Variants in LAMA3 observed in about 807,000 individuals in gnomAD.
LAMA3 encodes the protein laminin subunit alpha 3.
Under a neutral mutation model 402.0 loss-of-function variants are expected in LAMA3, and 281 were observed. The ratio of observed to expected loss-of-function variants is 0.70; its 90% confidence interval spans 0.63 to 0.77. The LOEUF (loss-of-function observed/expected upper bound fraction) is 0.77, where lower values mean the gene tolerates loss of function less well. Ranked by LOEUF, LAMA3 falls within the 30% of genes least tolerant of loss-of-function variation. The pLI, the probability that LAMA3 is intolerant of heterozygous loss-of-function variation, is 0.00. For missense variants in LAMA3, 3,840 were observed against 4,215.5 expected (o/e 0.91, Z 2.47); for synonymous variants, 1,431 against 1,558.4 (o/e 0.92, Z 1.93).
chr18:23,712,981 G>C (rs139884255), intron 1 of LAMA3, among the ~76,000 whole-genome samples: 137 of 152,114 alleles, frequency 9.0e-4, no homozygotes, highest in African/African-American at 3.2e-3. Flanking sequence ...TAGAAGAAAG[G>C]CCTATGTTCA....
intron 15 of LAMA3, among the ~76,000 whole-genome samples, chr18:23,814,935 ATGT>A (rs1476391767): frequency 2.0e-5 from 3 of 152,216 alleles, no homozygotes; most frequent in Non-Finnish European, 4.4e-5. Context: ...AAATCCCATG[ATGT>A]TGCAGCTTTT....
chr18:23,780,105 A>G (rs2062405567), intron 11 of LAMA3, among the ~76,000 whole-genome samples: 3 of 152,110 alleles, frequency 2.0e-5, no homozygotes. Flanking sequence ...AATGGTGACT[A>G]CTGAGGAGAA....
intron 59 of LAMA3, 119 bp downstream of exon 59, chr18:23,915,541 C>T: frequency 2.2e-6 from 2 of 928,594 alleles, no homozygotes; most frequent in Non-Finnish European, 3.5e-6. Flanking sequence ...TTGCTTTGGG[C>T]CAGTAGTTCT....
In LAMA3 at chr18:23,858,000, C is replaced by T. The variant is rs573956536; in HGVS notation, c.4281+12C>T. The T allele has an allele frequency of 1.5e-5, 25 of 1,614,024 alleles. No homozygotes were observed. Among genetic ancestry groups the T allele is most frequent in the African/African-American group, 8.0e-5 (6 of 74,998 alleles). On this transcript the variant is annotated intron_variant, in intron 33 of 74. Coordinates refer to ENST00000313654, the MANE Select transcript of LAMA3 (RefSeq NM_198129.4). ...CTTGCCTCTGCAAGGTAAGAGAGAT[C>T]GTGCAATGCCAGACAACAGCTGCCG...
rs185537803 is a variant in LAMA3, at chr18:23,842,107, C to G, written c.3337-288C>G. On this transcript the variant is annotated intron_variant, in intron 27 of 74. Transcript: ENST00000313654. ...CCAAACAGGTTTCCAACCTGACTTACCAAATTATACCCCCTCCAACATGTA... is the reference window on the plus strand; with the variant it reads ...CCAAACAGGTTTCCAACCTGACTTAGCAAATTATACCCCCTCCAACATGTA... 2.1e-3 allele frequency among the ~76,000 whole-genome samples: 319 copies of G among 152,256 alleles called. 3 individuals carry two copies. The highest frequency in any genetic ancestry group is 7.2e-3 in the African/African-American group (300 of 41,544).
chr18:23,702,898 T>C (rs572381808), intron 1 of LAMA3, among the ~76,000 whole-genome samples: 67 of 152,232 alleles, frequency 4.4e-4, no homozygotes, highest in Non-Finnish European at 8.2e-4. Context: ...TTTGTGTCTG[T>C]TTCCCTCTCT....
intron 2 of LAMA3, among the ~76,000 whole-genome samples, chr18:23,736,974 A>G (rs2061486460): frequency 6.6e-6 from 1 of 152,090 alleles, no homozygotes; most frequent in African/African-American, 2.4e-5. Flanking sequence ...AAGTAGCTGG[A>G]TTGTTTTTAG....
In LAMA3 at chr18:23,949,873, C is replaced by T. The variant is rs865854612; in HGVS notation, c.9460C>T (p.Pro3154Ser). The change falls in exon 71 of 75, where the codon CCT (proline) becomes TCT (serine). Residue 3154 changes from proline (P) to serine (S), a missense_variant. By Grantham distance (74) the Pro-to-Ser change is moderately conservative. Transcript: ENST00000313654. The stretch of plus-strand genomic sequence containing the variant: ...CGGGGTGTCTTCCTGCTTGGGTGGT[C>T]CTTTGGAGAAAGGCATTTATTTCTC... The part of the protein sequence containing the change: ...SFGVSSCLGG[P>S]LEKGIYFSEE... 6.2e-7 allele frequency: 1 copy of T among 1,613,728 alleles called. No homozygotes were observed.
rs755753247 is a variant in LAMA3, at chr18:23,946,293, T to G, written c.9351+9T>G. On this transcript the variant is annotated intron_variant, in intron 70 of 74. Coordinates refer to ENST00000313654, the MANE Select transcript of LAMA3 (RefSeq NM_198129.4). ...CATCAGGGAAACCAAAGGTAAATAG[T>G]TATGTTCAGAGCCATGGACAGAAAC... 1.9e-6 allele frequency: 3 copies of G among 1,613,744 alleles called. No homozygotes were observed. Among genetic ancestry groups the G allele is most frequent in the Non-Finnish European group, 2.5e-6 (3 of 1,179,650 alleles).
intron 59 of LAMA3, among the ~76,000 whole-genome samples, chr18:23,916,311 G>A (rs1217276645): frequency 6.6e-6 from 1 of 152,094 alleles, no homozygotes; most frequent in Non-Finnish European, 1.5e-5. Context: ...TTCCAAAAGG[G>A]TATCTTACTC....
At chr18:23,739,242 G>A (rs976211837) in intron 2 of LAMA3, among the ~76,000 whole-genome samples, 1 of 152,134 alleles carries the variant, frequency 6.6e-6, no homozygotes, top group African/African-American at 2.4e-5. Flanking sequence ...ACCACGGTAC[G>A]ACAACTACCA....
intron 17 of LAMA3, 24 bp downstream of exon 17, chr18:23,815,597 A>G: frequency 4.2e-6 from 6 of 1,437,778 alleles, no homozygotes; most frequent in Non-Finnish European, 5.9e-6. Flanking sequence ...TTGGGCCCTG[A>G]GCAAAGCACA....
intron 14 of LAMA3, among the ~76,000 whole-genome samples, chr18:23,814,067 A>AT (rs1568211739): frequency 2.0e-5 from 3 of 152,316 alleles, no homozygotes; most frequent in East Asian, 1.9e-4. Context: ...ATATTCAGAC[A>AT]TTTTTTCTAT....
At chr18:23,783,875 A>G in intron 11 of LAMA3, 148 bp from the exon 12 acceptor site, 1 of 1,082,552 alleles carries the variant, frequency 9.2e-7, no homozygotes, top group South Asian at 1.3e-5. Flanking sequence ...TTTCCCTTCA[A>G]CGCAGTGTAG....
At chr18:23,822,492 G>A (rs1268394618) in intron 20 of LAMA3, 117 bp downstream of exon 20, 3 of 1,137,018 alleles carry the variant, frequency 2.6e-6, no homozygotes, top group African/African-American at 3.1e-5. Flanking sequence ...CTGGCTCATG[G>A]TCTGGTTAGA....
At chr18:23,888,263 G>T (rs2080506371) in intron 41 of LAMA3, among the ~76,000 whole-genome samples, 1 of 152,238 alleles carries the variant, frequency 6.6e-6, no homozygotes, top group South Asian at 2.1e-4. Flanking sequence ...TGGGCCTTCT[G>T]CTTTCTTGTA....
chr18:23,914,537 T>C lies in LAMA3; in HGVS notation c.7457T>C (p.Val2486Ala), dbSNP rs576970782. The C allele has an allele frequency of 1.2e-6, 2 of 1,614,130 alleles. No homozygotes were observed. The highest frequency in any genetic ancestry group is 2.7e-5 in the African/African-American group (2 of 75,038). The change falls in exon 57 of 75, where the codon GTT (valine) becomes GCT (alanine). Residue 2486 changes from valine (V) to alanine (A), a missense_variant. By Grantham distance (64) the Val-to-Ala change is moderately conservative. Around this residue, in one of 3 missense-constraint regions of LAMA3, gnomAD observed 891 missense variants for 857.5 expected, o/e 1.04. Coordinates refer to ENST00000313654, the MANE Select transcript of LAMA3 (RefSeq NM_198129.4). ...ILTKSETKEAVMDRVKFQRIY... is the reference protein window; with the variant it reads ...ILTKSETKEAAMDRVKFQRIY... ...ACCAAGAGTGAGACTAAGGAGGCAG[T>C]TATGGATCGGGTGAAATTTCAGAGG...
At chr18:23,764,748 CAT>C (rs1184408890) in intron 8 of LAMA3, among the ~76,000 whole-genome samples, 1 of 152,096 alleles carries the variant, frequency 6.6e-6, no homozygotes, top group Non-Finnish European at 1.5e-5. Flanking sequence ...ATAGACATAA[CAT>C]AAAATTTACC....
At chr18:23,729,970 G>C (rs1254640748) in intron 2 of LAMA3, among the ~76,000 whole-genome samples, 1 of 152,200 alleles carries the variant, frequency 6.6e-6, no homozygotes, top group East Asian at 1.9e-4. Context: ...CTCGCAGGAT[G>C]CTGTCATGAT....
Sources: allele counts gnomAD v4.1 joint callset (sites outside exome capture counted in the v4.1 genomes callset), GRCh38; gene constraint gnomAD v4.1.1; regional missense constraint gnomAD v4.1.1; transcripts MANE v1.5; gene names NCBI Gene and HGNC (gene_info 2026-07-23, HGNC 2026-07-21).